The following EEIG2 variants were observed in gnomAD, a reference collection of about 807,000 sequenced individuals.
The protein encoded by EEIG2 is family with sequence similarity 102 member B.
chr1:108,623,216 G>A, the EEIG2 span, among the ~76,000 whole-genome samples: 1 of 152,166 alleles, frequency 6.6e-6, no homozygotes, highest in East Asian at 1.9e-4. Flanking sequence ...GCTCACATCT[G>A]TCATCCCAGC....
chr1:108,609,072 T>C, the EEIG2 span, among the ~76,000 whole-genome samples: 1 of 152,332 alleles, frequency 6.6e-6, no homozygotes, highest in South Asian at 2.1e-4. Context: ...TTTCAACATA[T>C]GAATTTTGGG....
At chr1:108,579,888 C>T in the EEIG2 span, among the ~76,000 whole-genome samples, 2 of 151,920 alleles carry the variant, frequency 1.3e-5, no homozygotes, top group Admixed American at 6.6e-5. Context: ...AGCAGTTATC[C>T]TGAGTAGCTG....
the EEIG2 span, chr1:108,628,058 T>C: frequency 2.4e-5 from 21 of 874,744 alleles, no homozygotes; most frequent in African/African-American, 6.7e-5. Context: ...TTGTAACTTA[T>C]TGTTTTGATA....
the EEIG2 span, among the ~76,000 whole-genome samples, chr1:108,595,999 G>C: frequency 6.6e-6 from 1 of 151,860 alleles, no homozygotes; most frequent in East Asian, 1.9e-4. Context: ...GATGGGCTTG[G>C]GGAAAAAACA....
chr1:108,603,976 G>A, the EEIG2 span, among the ~76,000 whole-genome samples: 1 of 152,298 alleles, frequency 6.6e-6, no homozygotes, highest in East Asian at 1.9e-4. Context: ...AAGAAAGAAG[G>A]TAAGACATGT....
the EEIG2 span, among the ~76,000 whole-genome samples, chr1:108,618,377 G>T: frequency 6.6e-6 from 1 of 152,156 alleles, no homozygotes; most frequent in African/African-American, 2.4e-5. Flanking sequence ...AGAGGAAGGG[G>T]TTTGAAGAAA....
chr1:108,609,904 G>A, the EEIG2 span, among the ~76,000 whole-genome samples: 1 of 152,136 alleles, frequency 6.6e-6, no homozygotes, highest in African/African-American at 2.4e-5. Context: ...GGGGCCTGTC[G>A]GGAGGGGGCG....
chr1:108,604,730 G>C, the EEIG2 span, among the ~76,000 whole-genome samples: 1 of 151,920 alleles, frequency 6.6e-6, no homozygotes, highest in African/African-American at 2.4e-5. Flanking sequence ...TTGGTAATCT[G>C]AAGAGCTATT....
chr1:108,579,770 T>TGAGAGAGAGA, the EEIG2 span, among the ~76,000 whole-genome samples: 832 of 23,130 alleles, frequency 0.036, 8 homozygotes, highest in Admixed American at 0.097. Flanking sequence ...TGTGTGTGTG[T>TGAGAGAGAGA]GTGAGAGAGA....
the EEIG2 span, among the ~76,000 whole-genome samples, chr1:108,620,079 G>A: frequency 6.6e-6 from 1 of 152,274 alleles, no homozygotes; most frequent in African/African-American, 2.4e-5. Flanking sequence ...GTACAGATGA[G>A]GAAACGGAGT....
At chr1:108,567,676 CCT>C in the EEIG2 span, among the ~76,000 whole-genome samples, 1 of 152,090 alleles carries the variant, frequency 6.6e-6, no homozygotes, top group Non-Finnish European at 1.5e-5. Context: ...TTAGATTTTC[CCT>C]GAGGCAATTG....
the EEIG2 span, among the ~76,000 whole-genome samples, chr1:108,579,755 G>C: frequency 3.5e-5 from 3 of 84,522 alleles, no homozygotes; most frequent in East Asian, 7.2e-4. Context: ...GTGTGTGTGT[G>C]TGTGTGTGTG....
At chr1:108,623,689 T>G in the EEIG2 span, among the ~76,000 whole-genome samples, 1 of 152,178 alleles carries the variant, frequency 6.6e-6, no homozygotes, top group African/African-American at 2.4e-5. Flanking sequence ...ATTTTTTTTT[T>G]GAGACGGAGT....
chr1:108,561,240 C>T, the EEIG2 span, among the ~76,000 whole-genome samples: 1 of 152,176 alleles, frequency 6.6e-6, no homozygotes. Context: ...CAGAGAGAGG[C>T]ATTAGCAGGT....
At chr1:108,607,093 A>G in the EEIG2 span, among the ~76,000 whole-genome samples, 1 of 152,204 alleles carries the variant, frequency 6.6e-6, no homozygotes, top group African/African-American at 2.4e-5. Context: ...TTACAAAACA[A>G]GGAGATGTGA....
At chr1:108,626,808 A>G in the EEIG2 span, 42 of 152,234 alleles carry the variant, frequency 2.8e-4, no homozygotes, top group African/African-American at 9.6e-4. Flanking sequence ...CTGCTTCCCT[A>G]CAAAGAAGGC....
the EEIG2 span, chr1:108,631,147 C>A: frequency 2.5e-6 from 1 of 396,926 alleles, no homozygotes. Flanking sequence ...TTATTAAATT[C>A]AGTAACTGTT....
chr1:108,616,518 T>C, the EEIG2 span: 1 of 880,336 alleles, frequency 1.1e-6, no homozygotes, highest in Non-Finnish European at 1.8e-6. Flanking sequence ...TTTGTAGTGC[T>C]TATAAGAAAA....
chr1:108,624,824 G>A, the EEIG2 span: 1 of 1,184,938 alleles, frequency 8.4e-7, no homozygotes, highest in Non-Finnish European at 1.2e-6. Context: ...TGGGAATTGT[G>A]TGGGTATTTG....
Sources: allele counts gnomAD v4.1 joint callset (sites outside exome capture counted in the v4.1 genomes callset), GRCh38; gene constraint gnomAD v4.1.1; transcripts MANE v1.5; gene names NCBI Gene and HGNC (gene_info 2026-07-23, HGNC 2026-07-21).